Variants in MROH2B observed in about 807,000 individuals in gnomAD.
The protein encoded by MROH2B is maestro heat like repeat family member 2B, also known as maestro heat-like repeat-containing protein family member 2B.
MROH2B carries 177 observed loss-of-function variants against 208.6 expected under a neutral mutation model. The observed-to-expected ratio is 0.85, with a 90% confidence interval of 0.75 to 0.96. MROH2B has a LOEUF of 0.96. Among genes scored for constraint, MROH2B ranks in the 40% least tolerant of loss-of-function variants. The pLI is 0.00. For synonymous variants in MROH2B, 728 were observed against 659.0 expected (o/e 1.10, Z -1.60); for missense variants, 2,002 against 1,878.7 (o/e 1.07, Z -1.21).
Position 40,998,175 on chromosome 5 carries a change from A to C in MROH2B, c.4652-17T>G. 6.3e-7 allele frequency: 1 copy of C among 1,589,426 alleles called. No individual in the cohort carries two copies. The highest frequency in any genetic ancestry group is 8.6e-7 in the Non-Finnish European group (1 of 1,160,138). ...CTTGGAGTCCTGAAATGGCAAGAAT[A>C]GCAAATAAGTGGAGGAGGAGAGTCA... On this transcript the variant is annotated splice_polypyrimidine_tract_variant and intron_variant, in intron 41 of 41. Coordinates refer to ENST00000399564, the MANE Select transcript of MROH2B (RefSeq NM_173489.5).
chr5:41,018,397 A>G lies in MROH2B; in HGVS notation c.2707T>C (p.Trp903Arg), dbSNP rs745540938. 1.9e-6 allele frequency: 3 copies of G among 1,609,836 alleles called. No individual in the cohort carries two copies. The highest frequency in any genetic ancestry group is 2.5e-6 in the Non-Finnish European group (3 of 1,178,380). Residue 903 changes from tryptophan to arginine, a missense_variant, in exon 27 of 42, where the codon TGG (tryptophan) becomes CGG (arginine). Trp to Arg is a moderately radical substitution (Grantham distance 101). Coordinates refer to ENST00000399564, the MANE Select transcript of MROH2B (RefSeq NM_173489.5). ...ATCTGGAAGGCTCTTTCTCTTTCCC[A>G]CTCTTTTTGTGAAACAAGCCACATT... ...LQMWLVSQKE[W>R]ERERAFQITA... is the part of the protein sequence containing the mutation.
chr5:41,061,741 C>G lies in MROH2B; in HGVS notation c.461-17G>C. 2 of 1,607,946 alleles carry G rather than the reference C, an allele frequency of 1.2e-6. No individual in the cohort carries two copies. The highest frequency in any genetic ancestry group is 1.7e-6 in the Non-Finnish European group (2 of 1,177,128). ...TCTCAAGGGCTGCATTTAAAACACA[C>G]AACCACAGACTGAGAAAAATATAAG... On this transcript the variant is annotated splice_polypyrimidine_tract_variant and intron_variant, in intron 5 of 41. Transcript: ENST00000399564.
chr5:41,067,354 T>C, intron 2 of MROH2B, 136 bp from the exon 3 acceptor site: 1 of 590,118 alleles, frequency 1.7e-6, no homozygotes, highest in South Asian at 2.0e-5. Flanking sequence ...TATGTCTTAA[T>C]TGAGGCTTTC....
Position 41,068,343 on chromosome 5 carries a change from A to C in MROH2B, c.91-1125T>G, listed in dbSNP as rs753813633. 2.1e-4 allele frequency among the ~76,000 whole-genome samples: 32 copies of C among 152,298 alleles called. 1 individual carries two copies. The highest frequency in any genetic ancestry group is 1.4e-3 in the Admixed American group (21 of 15,296). On this transcript the variant is annotated intron_variant, in intron 2 of 41. Transcript: ENST00000399564. ...TCCATGTGCTTACTATCCTGTCTGC[A>C]GGCCTTGTTCTTTGGCAAGGCTACC...
At chr5:41,043,504 T>C (rs768235555) in intron 18 of MROH2B, among the ~76,000 whole-genome samples, 13 of 152,318 alleles carry the variant, frequency 8.5e-5, no homozygotes, top group Admixed American at 5.2e-4. Flanking sequence ...AAAGTTTGAC[T>C]TAGGTGTAAA....
intron 37 of MROH2B, among the ~76,000 whole-genome samples, chr5:41,001,323 G>A (rs1018419883): frequency 1.3e-5 from 2 of 152,280 alleles, no homozygotes; most frequent in African/African-American, 4.8e-5. Flanking sequence ...GGTTCTCAGA[G>A]AGGTTAAACA....
rs561229673 is a variant in MROH2B at position 41,005,422 on chromosome 5, C to CT, written c.3864+108_3864+109insA. 510 of 151,068 alleles carry CT rather than the reference C, an allele frequency of 3.4e-3. 58 individuals are homozygous for CT. The highest frequency in any genetic ancestry group is 0.02 in the African/African-American group (408 of 20,612). The allele number at this position is 151,068 out of a possible 1,614,324, so 9.4% of individuals were successfully genotyped here. On this transcript the variant is annotated intron_variant, in intron 35 of 41. Transcript: ENST00000399564. ...GTCTCTCCTCTATGAAACCCCCCCCCCCCTTGAAGTCTCTCTTCCCTGGTT... is the reference window on the plus strand; with the variant it reads ...GTCTCTCCTCTATGAAACCCCCCCCCTCCCTTGAAGTCTCTCTTCCCTGGTT...
At chr5:41,034,314 T>C (rs1338430228) in intron 21 of MROH2B, among the ~76,000 whole-genome samples, 3 of 151,990 alleles carry the variant, frequency 2.0e-5, no homozygotes, top group Non-Finnish European at 4.4e-5. Context: ...TTTGTTCCAA[T>C]GAGATTGACA....
At chr5:41,013,421 T>A (rs1387877772) in intron 29 of MROH2B, among the ~76,000 whole-genome samples, 1 of 152,142 alleles carries the variant, frequency 6.6e-6, no homozygotes, top group Non-Finnish European at 1.5e-5. Flanking sequence ...GGAAAGCAGG[T>A]GAAAATTTGG....
At chr5:41,019,860 T>TA (rs1742086666) in intron 24 of MROH2B, among the ~76,000 whole-genome samples, 1 of 152,230 alleles carries the variant, frequency 6.6e-6, no homozygotes, top group African/African-American at 2.4e-5. Context: ...TTATGTATAG[T>TA]AAGCTGCATC....
intron 24 of MROH2B, among the ~76,000 whole-genome samples, chr5:41,025,746 T>C (rs1341344433): frequency 1.3e-5 from 2 of 152,280 alleles, no homozygotes; most frequent in East Asian, 3.9e-4. Context: ...AAGAGAATTT[T>C]AGACCAATAT....
chr5:41,006,079 T>A (rs1741580849), intron 34 of MROH2B, among the ~76,000 whole-genome samples: 1 of 150,674 alleles, frequency 6.6e-6, no homozygotes, highest in Admixed American at 6.6e-5. Context: ...GGATGCTTGA[T>A]GAAAGCCCAC....
intron 15 of MROH2B, 31 bp downstream of exon 15, chr5:41,049,070 G>C (rs570558342): frequency 1.3e-6 from 2 of 1,572,032 alleles, no homozygotes; most frequent in African/African-American, 2.7e-5. Flanking sequence ...GCTTAAATTT[G>C]TTCTACTTTG....
At position 41,000,850 on chromosome 5, in the gene MROH2B, A is replaced by C. The variant is rs368736871; in HGVS notation, c.4195-17T>G. The C allele has an allele frequency of 6.2e-7, 1 of 1,602,526 alleles. No homozygotes were observed. The highest frequency in any genetic ancestry group is 2.2e-5 in the East Asian group (1 of 44,674). On this transcript the variant is annotated splice_polypyrimidine_tract_variant and intron_variant, in intron 37 of 41. Coordinates refer to ENST00000399564, the MANE Select transcript of MROH2B (RefSeq NM_173489.5). ...ATCCTGCTCCTGTGGTGACGAATGC[A>C]TGTCGTGGTGAATATCCTCTCAGAG...
Position 41,064,469 on chromosome 5 carries a change from C to T in MROH2B, c.460+3G>A, listed in dbSNP as rs1451744458. 5 of 1,612,184 alleles carry T rather than the reference C, an allele frequency of 3.1e-6. No homozygotes were observed. The highest frequency in any genetic ancestry group is 4.2e-6 in the Non-Finnish European group (5 of 1,178,874). ...GCAAAAAGGAAATCATCGGGATACC[C>T]ACCAATACAGAAAGTCCCCTTCATC... On this transcript the variant is annotated splice_donor_region_variant and intron_variant, in intron 5 of 41. Transcript: ENST00000399564.
chr5:41,041,851 G>A (rs1252277533), intron 19 of MROH2B, among the ~76,000 whole-genome samples: 1 of 152,146 alleles, frequency 6.6e-6, no homozygotes, highest in East Asian at 1.9e-4. Context: ...CCAAGGTCTG[G>A]TTAGGTAAGA....
intron 3 of MROH2B, among the ~76,000 whole-genome samples, chr5:41,065,903 G>A (rs1393136583): frequency 1.3e-5 from 2 of 152,160 alleles, no homozygotes; most frequent in Non-Finnish European, 1.5e-5. Flanking sequence ...GCGTTGGGAC[G>A]AAGGGAGAAC....
At position 40,998,029 on chromosome 5, in the gene MROH2B, C is replaced by A. The variant is rs748831167; in HGVS notation, c.*23G>T. On this transcript the variant is annotated 3_prime_UTR_variant, in exon 42 of 42. Transcript: ENST00000399564. ...AGACAGGAGTCAGATATAGGAAAAG[C>A]CAGCAGTTTATTTCTTGATGGCTTA... 1.3e-6 allele frequency: 2 copies of A among 1,546,394 alleles called. No individual in the cohort carries two copies. Among genetic ancestry groups the A allele is most frequent in the East Asian group, 2.3e-5 (1 of 44,348 alleles).
chr5:41,041,719 G>A (rs1418749696), intron 19 of MROH2B, among the ~76,000 whole-genome samples: 1 of 152,182 alleles, frequency 6.6e-6, no homozygotes, highest in Non-Finnish European at 1.5e-5. Context: ...AGTAAGTAGA[G>A]CTTTGCAGAA....
Sources: allele counts gnomAD v4.1 joint callset (sites outside exome capture counted in the v4.1 genomes callset), GRCh38; gene constraint gnomAD v4.1.1; transcripts MANE v1.5; gene names NCBI Gene and HGNC (gene_info 2026-07-23, HGNC 2026-07-21).